The following PRKCA variants were observed in gnomAD, a reference collection of about 807,000 sequenced individuals.
PRKCA encodes protein kinase C alpha.
Under a neutral mutation model 87.0 loss-of-function variants are expected in PRKCA, and 27 were observed. That is an observed-to-expected ratio of 0.31 (90% CI 0.23 to 0.43). The LOEUF (loss-of-function observed/expected upper bound fraction) is 0.43, where lower values mean the gene tolerates loss of function less well. Among genes scored for constraint, PRKCA ranks in the 20% least tolerant of loss-of-function variants. PRKCA has a pLI of 1.00. For missense variants in PRKCA, 518 were observed against 852.3 expected (o/e 0.61, Z 4.88); for synonymous variants, 329 against 311.1 (o/e 1.06, Z -0.61).
intron 2 of PRKCA, among the ~76,000 whole-genome samples, chr17:66,443,400 A>G (rs2143886107): frequency 6.6e-6 from 1 of 152,316 alleles, no homozygotes. Flanking sequence ...AGAGGCTAAG[A>G]AATAAAGTGA....
intron 1 of PRKCA, 126 bp downstream of exon 1, chr17:66,303,150 C>A (rs948771889): frequency 4.6e-6 from 6 of 1,309,514 alleles, no homozygotes; most frequent in Non-Finnish European, 6.2e-6. Context: ...GGAGTCCGAA[C>A]TCTTCGCCCG....
intron 10 of PRKCA, among the ~76,000 whole-genome samples, chr17:66,737,196 CAAAAA>C (rs59025976): frequency 8.0e-6 from 1 of 125,330 alleles, no homozygotes; most frequent in Non-Finnish European, 1.7e-5. Context: ...ACTAAATATA[CAAAAA>C]AAAAAAAAAA....
chr17:66,756,798 A>T (rs1974559025), intron 13 of PRKCA, among the ~76,000 whole-genome samples: 1 of 152,054 alleles, frequency 6.6e-6, no homozygotes, highest in South Asian at 2.1e-4. Flanking sequence ...AGTAGCTGGG[A>T]TTACAGGCAT....
intron 3 of PRKCA, among the ~76,000 whole-genome samples, chr17:66,547,874 A>C (rs1968195989): frequency 6.6e-6 from 1 of 152,216 alleles, no homozygotes; most frequent in Non-Finnish European, 1.5e-5. Context: ...AGCACTTACC[A>C]TGAGAAAACC....
intron 3 of PRKCA, among the ~76,000 whole-genome samples, chr17:66,619,359 G>T (rs1018047500): frequency 2.0e-5 from 3 of 152,182 alleles, no homozygotes; most frequent in African/African-American, 7.2e-5. Context: ...GTTTGGGGTT[G>T]CCCTAAAGCC....
At chr17:66,463,435 G>A (rs979726791) in intron 2 of PRKCA, among the ~76,000 whole-genome samples, 3 of 150,570 alleles carry the variant, frequency 2.0e-5, no homozygotes, top group African/African-American at 7.3e-5. Flanking sequence ...TTGCTCTGTC[G>A]CCCAAGCTGG....
chr17:66,358,401 A>G (rs377029160), intron 2 of PRKCA, among the ~76,000 whole-genome samples: 12 of 152,292 alleles, frequency 7.9e-5, no homozygotes, highest in African/African-American at 2.6e-4. Context: ...CTTAGAAGCC[A>G]GAGATGAGAT....
chr17:66,575,873 T>C (rs1268984001), intron 3 of PRKCA, among the ~76,000 whole-genome samples: 1 of 152,114 alleles, frequency 6.6e-6, no homozygotes, highest in Non-Finnish European at 1.5e-5. Flanking sequence ...CCCAGCACTT[T>C]GGGAGGCCAA....
At chr17:66,336,520 ATT>A (rs1261156035) in intron 2 of PRKCA, among the ~76,000 whole-genome samples, 1 of 151,002 alleles carries the variant, frequency 6.6e-6, no homozygotes. Context: ...AAAGTTGGCC[ATT>A]TGTATTTTTT....
At chr17:66,765,801 A>G (rs1269800147) in intron 13 of PRKCA, among the ~76,000 whole-genome samples, 1 of 151,950 alleles carries the variant, frequency 6.6e-6, no homozygotes, top group Non-Finnish European at 1.5e-5. Flanking sequence ...CTCTAACACT[A>G]TTTTCCCTTT....
At chr17:66,470,008 C>T (rs1396815048) in intron 2 of PRKCA, among the ~76,000 whole-genome samples, 1 of 151,896 alleles carries the variant, frequency 6.6e-6, no homozygotes. Context: ...TAATTACCCC[C>T]AATATGTGTC....
chr17:66,557,246 A>T (rs1567896489), intron 3 of PRKCA, among the ~76,000 whole-genome samples: 1 of 152,212 alleles, frequency 6.6e-6, no homozygotes, highest in Non-Finnish European at 1.5e-5. Context: ...GGGGAAGGAC[A>T]TAATGAATTA....
At chr17:66,586,275 C>T (rs1441013797) in intron 3 of PRKCA, among the ~76,000 whole-genome samples, 1 of 152,140 alleles carries the variant, frequency 6.6e-6, no homozygotes, top group African/African-American at 2.4e-5. Context: ...TGCCTTCTTT[C>T]CTTTACCTAA....
At chr17:66,606,661 A>T (rs927976455) in intron 3 of PRKCA, among the ~76,000 whole-genome samples, 13 of 152,222 alleles carry the variant, frequency 8.5e-5, no homozygotes, top group Non-Finnish European at 1.5e-5. Flanking sequence ...AAAAATGATT[A>T]TCAATTGCTG....
intron 3 of PRKCA, among the ~76,000 whole-genome samples, chr17:66,550,127 G>C (rs115431649): frequency 1.3e-5 from 2 of 152,002 alleles, no homozygotes; most frequent in Admixed American, 1.3e-4. Context: ...TTTCTGACAC[G>C]TGCAGAGTTT....
At chr17:66,736,976 C>T (rs961498031) in intron 10 of PRKCA, among the ~76,000 whole-genome samples, 3 of 152,022 alleles carry the variant, frequency 2.0e-5, no homozygotes, top group Admixed American at 6.6e-5. Context: ...TGAGCTCTGT[C>T]GTAAAGTAAA....
intron 2 of PRKCA, among the ~76,000 whole-genome samples, chr17:66,336,671 A>AATT (rs1252366569): frequency 2.2e-5 from 3 of 138,992 alleles, no homozygotes; most frequent in Non-Finnish European, 4.5e-5. Context: ...CTATATAGTA[A>AATT]ATTATTAAAC....
At chr17:66,767,894 A>T (rs1012600906) in intron 13 of PRKCA, among the ~76,000 whole-genome samples, 27 of 152,172 alleles carry the variant, frequency 1.8e-4, no homozygotes, top group African/African-American at 5.8e-4. Context: ...GTTTGCTCCT[A>T]TCATTCTAAT....
chr17:66,774,217 C>T, intron 14 of PRKCA, 150 bp downstream of exon 14: 4 of 1,511,528 alleles, frequency 2.6e-6, no homozygotes, highest in South Asian at 1.3e-5. Flanking sequence ...GAGAAACGCC[C>T]CCTTCAAAGT....
Sources: allele counts gnomAD v4.1 joint callset (sites outside exome capture counted in the v4.1 genomes callset), GRCh38; gene constraint gnomAD v4.1.1; transcripts MANE v1.5; gene names NCBI Gene and HGNC (gene_info 2026-07-23, HGNC 2026-07-21).